SCHIP1: variants seen among roughly 807,000 people sequenced by gnomAD.
The protein encoded by SCHIP1 is schwannomin interacting protein 1, also known as schwannomin-interacting protein 1.
SCHIP1 carries 8 observed loss-of-function variants against 29.7 expected under a neutral mutation model. The ratio of observed to expected loss-of-function variants is 0.27; its 90% confidence interval spans 0.16 to 0.49. SCHIP1 has a LOEUF of 0.49. Ranked by LOEUF, SCHIP1 falls within the 20% of genes least tolerant of loss-of-function variation. The pLI, the probability that SCHIP1 is intolerant of heterozygous loss-of-function variation, is 0.99. For missense variants in SCHIP1, 193 were observed against 294.6 expected, an observed-to-expected ratio of 0.66 and a Z score of 2.52; for synonymous variants, 76 against 94.9, an observed-to-expected ratio of 0.80 and a Z score of 1.16.
the SCHIP1 span, among the ~76,000 whole-genome samples, chr3:159,801,494 G>A: frequency 6.6e-6 from 1 of 152,170 alleles, no homozygotes; most frequent in African/African-American, 2.4e-5. Flanking sequence ...AAGTAGAAAA[G>A]AGAGAAAACC....
At chr3:159,370,854 G>A in the SCHIP1 span, among the ~76,000 whole-genome samples, 2 of 152,106 alleles carry the variant, frequency 1.3e-5, no homozygotes, top group African/African-American at 4.8e-5. Context: ...CAGACTGGGG[G>A]TTATACCATT....
chr3:159,412,194 A>C, the SCHIP1 span, among the ~76,000 whole-genome samples: 2 of 152,210 alleles, frequency 1.3e-5, no homozygotes, highest in African/African-American at 4.8e-5. Flanking sequence ...ATAACTAGTG[A>C]AACAAGATTT....
intron 5 of SCHIP1, 95 bp downstream of exon 6, chr3:159,889,038 A>G (rs1397945954): frequency 1.9e-5 from 28 of 1,459,062 alleles, no homozygotes; most frequent in Admixed American, 2.2e-5. Context: ...ACAACATTTC[A>G]TTGGGTTCCT....
intron 6 of SCHIP1, chr3:159,893,158 A>G (rs1257857420): frequency 6.6e-6 from 1 of 152,264 alleles, no homozygotes; most frequent in Admixed American, 6.5e-5. Context: ...TAATGCTGCA[A>G]TGATATAAAA....
At chr3:159,530,344 C>T in the SCHIP1 span, among the ~76,000 whole-genome samples, 6 of 152,152 alleles carry the variant, frequency 3.9e-5, no homozygotes, top group Non-Finnish European at 7.3e-5. Flanking sequence ...GACCAATATC[C>T]TCAAGTTCAG....
At chr3:159,567,502 AT>A in the SCHIP1 span, among the ~76,000 whole-genome samples, 2 of 151,330 alleles carry the variant, frequency 1.3e-5, no homozygotes, top group South Asian at 2.1e-4. Context: ...TGTGAGACAG[AT>A]TTTTTTTTCT....
At chr3:159,314,175 G>A in the SCHIP1 span, among the ~76,000 whole-genome samples, 1 of 152,136 alleles carries the variant, frequency 6.6e-6, no homozygotes, top group Non-Finnish European at 1.5e-5. Context: ...TTTTCCCTAG[G>A]TTCTGAGTAG....
At chr3:159,672,730 T>C in the SCHIP1 span, among the ~76,000 whole-genome samples, 779 of 152,378 alleles carry the variant, frequency 5.1e-3, 3 homozygotes, top group Middle Eastern at 0.01. Context: ...TTTTGCTCTA[T>C]GAGAGACCTT....
At chr3:159,460,763 A>C in the SCHIP1 span, among the ~76,000 whole-genome samples, 2 of 152,118 alleles carry the variant, frequency 1.3e-5, no homozygotes, top group Admixed American at 1.3e-4. Flanking sequence ...TGGTCACTCT[A>C]TGTTGGGGGA....
the SCHIP1 span, among the ~76,000 whole-genome samples, chr3:159,645,015 TC>T: frequency 1.3e-5 from 2 of 152,138 alleles, no homozygotes; most frequent in Admixed American, 1.3e-4. Flanking sequence ...TATACAAGCA[TC>T]CCCCAGAAGT....
the SCHIP1 span, among the ~76,000 whole-genome samples, chr3:159,716,478 C>A: frequency 6.6e-6 from 1 of 152,136 alleles, no homozygotes; most frequent in African/African-American, 2.4e-5. Context: ...GAGTCAAGAT[C>A]CATCAGTGTG....
the SCHIP1 span, among the ~76,000 whole-genome samples, chr3:159,528,458 T>C: frequency 2.0e-5 from 3 of 152,200 alleles, no homozygotes; most frequent in Admixed American, 2.0e-4. Flanking sequence ...CTGCTAGTGA[T>C]GGAGAGAGAC....
chr3:159,447,437 G>A, the SCHIP1 span, among the ~76,000 whole-genome samples: 3,058 of 152,176 alleles, frequency 0.02, 113 homozygotes, highest in African/African-American at 0.07. Flanking sequence ...AGAGTAAAAA[G>A]GTCTTCAAAT....
At chr3:159,276,790 T>G in the SCHIP1 span, among the ~76,000 whole-genome samples, 2 of 152,174 alleles carry the variant, frequency 1.3e-5, no homozygotes, top group African/African-American at 4.8e-5. Flanking sequence ...TCACTTTGAC[T>G]AATTTTTCAA....
the SCHIP1 span, among the ~76,000 whole-genome samples, chr3:159,560,069 A>C: frequency 6.6e-6 from 1 of 152,242 alleles, no homozygotes. Context: ...ATGAAGGGTC[A>C]AGGAAGTTCT....
At chr3:159,554,741 C>T in the SCHIP1 span, among the ~76,000 whole-genome samples, 1 of 152,028 alleles carries the variant, frequency 6.6e-6, no homozygotes, top group African/African-American at 2.4e-5. Context: ...AAGATAGTGG[C>T]TCTGGCTTCC....
chr3:159,543,134 T>TAG, the SCHIP1 span, among the ~76,000 whole-genome samples: 4 of 144,536 alleles, frequency 2.8e-5, no homozygotes, highest in South Asian at 2.3e-4. Flanking sequence ...TATATATATA[T>TAG]ATAGATATAA....
chr3:159,623,310 T>C, the SCHIP1 span, among the ~76,000 whole-genome samples: 1 of 152,222 alleles, frequency 6.6e-6, no homozygotes, highest in South Asian at 2.1e-4. Context: ...TTGAGAAGTA[T>C]ATACCTCTTC....
intron 1 of SCHIP1, among the ~76,000 whole-genome samples, chr3:159,841,707 A>G (rs533207622): frequency 2.0e-5 from 3 of 152,352 alleles, no homozygotes; most frequent in East Asian, 3.9e-4. Flanking sequence ...AGAAGGGGTT[A>G]TATTAGCATT....
Sources: allele counts gnomAD v4.1 joint callset (sites outside exome capture counted in the v4.1 genomes callset), GRCh38; gene constraint gnomAD v4.1.1; transcripts MANE v1.5; gene names NCBI Gene and HGNC (gene_info 2026-07-23, HGNC 2026-07-21).